GALNT13: variants seen among roughly 807,000 people sequenced by gnomAD.
The protein encoded by GALNT13 is UDP-GalNAc:polypeptide N-acetylgalactosaminyltransferase 13.
In GALNT13, 28 loss-of-function variants were observed where a neutral mutation model predicts 64.2. The observed-to-expected ratio is 0.44, with a 90% confidence interval of 0.32 to 0.60. The LOEUF (loss-of-function observed/expected upper bound fraction) is 0.60, where lower values mean the gene tolerates loss of function less well. Among genes scored for constraint, GALNT13 ranks in the 20% least tolerant of loss-of-function variants. The pLI, the probability that GALNT13 is intolerant of heterozygous loss-of-function variation, is 0.05. For synonymous variants in GALNT13, 214 were observed against 224.6 expected, an observed-to-expected ratio of 0.95 and a Z score of 0.42; for missense variants, 577 against 669.8, an observed-to-expected ratio of 0.86 and a Z score of 1.53.
chr2:154,382,297 T>C (rs1015391252), intron 9 of GALNT13, among the ~76,000 whole-genome samples: 1 of 152,088 alleles, frequency 6.6e-6, no homozygotes, highest in African/African-American at 2.4e-5. Context: ...ACTAGACTAT[T>C]ATGTAGAAGA....
chr2:154,080,152 T>C (rs1374525049), intron 3 of GALNT13, among the ~76,000 whole-genome samples: 1 of 151,630 alleles, frequency 6.6e-6, no homozygotes. Context: ...GGGTGGAATG[T>C]GTACTGTGGG....
intron 4 of GALNT13, among the ~76,000 whole-genome samples, chr2:154,159,598 A>G (rs1684617243): frequency 6.6e-6 from 1 of 152,168 alleles, no homozygotes. Flanking sequence ...TCAAAAGTAA[A>G]CTTAATAGGT....
the GALNT13 span, among the ~76,000 whole-genome samples, chr2:153,125,406 G>A: frequency 6.6e-6 from 1 of 152,168 alleles, no homozygotes; most frequent in Non-Finnish European, 1.5e-5. Context: ...AAGGACAAAA[G>A]CGATGTCTTT....
chr2:153,277,357 C>T, the GALNT13 span, among the ~76,000 whole-genome samples: 1 of 152,186 alleles, frequency 6.6e-6, no homozygotes, highest in Admixed American at 6.5e-5. Context: ...CCTCCAGTTT[C>T]ATCTATTTTG....
At chr2:153,678,869 A>G in the GALNT13 span, among the ~76,000 whole-genome samples, 1 of 152,018 alleles carries the variant, frequency 6.6e-6, no homozygotes, top group Non-Finnish European at 1.5e-5. Flanking sequence ...TTGGAACTAC[A>G]TATCCCAGAA....
At chr2:153,311,930 T>C in the GALNT13 span, among the ~76,000 whole-genome samples, 1 of 152,204 alleles carries the variant, frequency 6.6e-6, no homozygotes, top group Admixed American at 6.5e-5. Context: ...TGTAAATGGA[T>C]AAGGTAAGAT....
chr2:154,287,076 A>C, intron 8 of GALNT13: 1 of 798,950 alleles, frequency 1.3e-6, no homozygotes, highest in Non-Finnish European at 2.2e-6. Flanking sequence ...GGGCTCATCC[A>C]CCCACCTTTG....
intron 3 of GALNT13, among the ~76,000 whole-genome samples, chr2:153,968,104 G>A (rs567532305): frequency 4.6e-5 from 7 of 152,086 alleles, no homozygotes; most frequent in Non-Finnish European, 7.4e-5. Context: ...GCTCTGGTCC[G>A]TACCCCAAGT....
At chr2:153,215,153 T>A in the GALNT13 span, among the ~76,000 whole-genome samples, 7,681 of 152,158 alleles carry the variant, frequency 0.05, 224 homozygotes, top group East Asian at 0.076. Context: ...TTCATATAAT[T>A]TGTACCAGAC....
the GALNT13 span, among the ~76,000 whole-genome samples, chr2:153,286,799 T>A: frequency 6.6e-6 from 1 of 152,152 alleles, no homozygotes; most frequent in Non-Finnish European, 1.5e-5. Context: ...TGAAAATAAA[T>A]GTTTATGTGA....
chr2:153,336,392 T>C, the GALNT13 span, among the ~76,000 whole-genome samples: 15 of 152,170 alleles, frequency 9.9e-5, no homozygotes, highest in Non-Finnish European at 1.9e-4. Flanking sequence ...GGGACGTAGC[T>C]GCCCAAGACC....
chr2:153,674,906 CAAAG>C, the GALNT13 span, among the ~76,000 whole-genome samples: 1 of 152,004 alleles, frequency 6.6e-6, no homozygotes, highest in Non-Finnish European at 1.5e-5. Flanking sequence ...AGACACTTCT[CAAAG>C]AAGACATTTA....
the GALNT13 span, among the ~76,000 whole-genome samples, chr2:153,480,136 A>G: frequency 6.6e-6 from 1 of 152,258 alleles, no homozygotes; most frequent in Non-Finnish European, 1.5e-5. Context: ...GTACCTCATA[A>G]ATATGTACAG....
the GALNT13 span, among the ~76,000 whole-genome samples, chr2:153,070,921 A>G: frequency 6.6e-6 from 1 of 152,208 alleles, no homozygotes. Flanking sequence ...CTTAAAGGCA[A>G]TGTGAAATTC....
At chr2:153,631,756 T>C in the GALNT13 span, among the ~76,000 whole-genome samples, 1 of 152,178 alleles carries the variant, frequency 6.6e-6, no homozygotes, top group Non-Finnish European at 1.5e-5. Context: ...ATTCTGTAGG[T>C]TGCCTGTTCA....
chr2:153,124,216 A>G, the GALNT13 span, among the ~76,000 whole-genome samples: 1 of 152,202 alleles, frequency 6.6e-6, no homozygotes, highest in African/African-American at 2.4e-5. Context: ...CGAGTTGTCC[A>G]TTTGACCTTT....
At chr2:153,499,402 C>T in the GALNT13 span, among the ~76,000 whole-genome samples, 1 of 152,130 alleles carries the variant, frequency 6.6e-6, no homozygotes, top group Non-Finnish European at 1.5e-5. Context: ...GAAAAAGTCC[C>T]GTAAGTTCTC....
the GALNT13 span, among the ~76,000 whole-genome samples, chr2:153,599,332 A>T: frequency 6.6e-6 from 1 of 151,934 alleles, no homozygotes; most frequent in Non-Finnish European, 1.5e-5. Context: ...AACAGGTCTT[A>T]TTTCTTCTAT....
At chr2:153,681,581 G>A in the GALNT13 span, among the ~76,000 whole-genome samples, 1 of 151,652 alleles carries the variant, frequency 6.6e-6, no homozygotes, top group Non-Finnish European at 1.5e-5. Flanking sequence ...TTCTCTTTAT[G>A]CTATCACACC....
Sources: gnomAD v4.1 joint callset for allele counts (sites outside exome capture counted in the v4.1 genomes callset) on GRCh38, gnomAD v4.1.1 for gene constraint, MANE v1.5 for transcripts, NCBI Gene and HGNC (gene_info 2026-07-23, HGNC 2026-07-21) for gene names.